The following MIPEP variants were observed in gnomAD, a reference collection of about 807,000 sequenced individuals.
MIPEP encodes mitochondrial intermediate peptidase.
Under a neutral mutation model 90.3 loss-of-function variants are expected in MIPEP, and 79 were observed. The observed-to-expected ratio is 0.87, with a 90% CI of 0.73 to 1.05. The LOEUF is 1.05. Among genes scored for constraint, MIPEP ranks in the 50% least tolerant of loss-of-function variants. The pLI, the probability that MIPEP is intolerant of heterozygous loss-of-function variation, is 0.00. For synonymous variants in MIPEP, 334 were observed against 315.8 expected (o/e 1.06, Z -0.61); for missense variants, 940 against 905.6 (o/e 1.04, Z -0.49).
chr13:23,794,136 T>C (rs1057510416), intron 16 of MIPEP, among the ~76,000 whole-genome samples: 4 of 152,020 alleles, frequency 2.6e-5, no homozygotes, highest in African/African-American at 9.7e-5. Flanking sequence ...AAGAAGAATA[T>C]TAAGAGGAGG....
At chr13:23,884,761 C>T (rs1314217665) in intron 2 of MIPEP, among the ~76,000 whole-genome samples, 1 of 152,232 alleles carries the variant, frequency 6.6e-6, no homozygotes, top group Non-Finnish European at 1.5e-5. Flanking sequence ...GTGTCTGTTT[C>T]ATTCCTGCAT....
At chr13:23,852,270 T>C (rs1480739561) in intron 10 of MIPEP, among the ~76,000 whole-genome samples, 2 of 152,320 alleles carry the variant, frequency 1.3e-5, no homozygotes, top group Non-Finnish European at 2.9e-5. Context: ...ATAGACTAGA[T>C]ATTAAATGAT....
At position 23,875,357 on chromosome 13, in the gene MIPEP, T is replaced by C. The variant is rs183335465; in HGVS notation, c.540-448A>G. Among the ~76,000 whole-genome samples the C allele has an allele frequency of 4.5e-3, 690 of 152,244 alleles. 2 individuals are homozygous for C. The highest frequency in any genetic ancestry group is 7.7e-3 in the Non-Finnish European group (523 of 67,998). ...ATAAAACAGTTTTATATTTGGACAA[T>C]TTTTCAAAGGCCCTCTGCATGAGAT... On this transcript the variant is annotated intron_variant, in intron 4 of 18. Coordinates refer to ENST00000382172, the MANE Select transcript of MIPEP (RefSeq NM_005932.4).
chr13:23,788,358 T>C (rs1331502103), intron 16 of MIPEP, among the ~76,000 whole-genome samples: 1 of 152,228 alleles, frequency 6.6e-6, no homozygotes, highest in African/African-American at 2.4e-5. Flanking sequence ...TGTTTGCTCC[T>C]TGAGCATACA....
intron 10 of MIPEP, among the ~76,000 whole-genome samples, chr13:23,846,970 G>A (rs1423291314): frequency 6.6e-6 from 1 of 152,018 alleles, no homozygotes; most frequent in Non-Finnish European, 1.5e-5. Context: ...TTACAATGGA[G>A]AAAACAGGTT....
chr13:23,861,822 T>C (rs1870319989), intron 9 of MIPEP, among the ~76,000 whole-genome samples: 1 of 152,182 alleles, frequency 6.6e-6, no homozygotes, highest in Non-Finnish European at 1.5e-5. Context: ...GATCATATAA[T>C]CATATGATTG....
intron 5 of MIPEP, among the ~76,000 whole-genome samples, chr13:23,873,543 G>C (rs1005160989): frequency 6.6e-6 from 1 of 152,128 alleles, no homozygotes; most frequent in African/African-American, 2.4e-5. Flanking sequence ...GATTTGATGA[G>C]AAATATATGA....
At chr13:23,850,799 G>A (rs954170997) in intron 10 of MIPEP, among the ~76,000 whole-genome samples, 1 of 152,248 alleles carries the variant, frequency 6.6e-6, no homozygotes, top group African/African-American at 2.4e-5. Context: ...AAACAGCCAT[G>A]TCTAAAATTG....
intron 10 of MIPEP, among the ~76,000 whole-genome samples, chr13:23,855,247 A>C (rs574483634): frequency 3.9e-5 from 6 of 152,240 alleles, no homozygotes; most frequent in Non-Finnish European, 8.8e-5. Flanking sequence ...TTAAAAAGGA[A>C]AAATGAGCTG....
intron 10 of MIPEP, among the ~76,000 whole-genome samples, chr13:23,845,941 C>T (rs1395109673): frequency 2.7e-5 from 4 of 146,906 alleles, no homozygotes; most frequent in East Asian, 2.0e-4. Flanking sequence ...TTTTTTGAGA[C>T]GGAGTCATGC....
intron 5 of MIPEP, among the ~76,000 whole-genome samples, chr13:23,872,840 C>T (rs1870884551): frequency 1.3e-5 from 2 of 149,008 alleles, no homozygotes; most frequent in Admixed American, 6.7e-5. Flanking sequence ...AAACTATTCA[C>T]ATGGATTCTC....
At chr13:23,772,317 T>A (rs958850436) in intron 16 of MIPEP, among the ~76,000 whole-genome samples, 11 of 151,570 alleles carry the variant, frequency 7.3e-5, no homozygotes, top group African/African-American at 2.7e-4. Context: ...AATTTTTTTT[T>A]AACAACAACA....
intron 16 of MIPEP, among the ~76,000 whole-genome samples, chr13:23,783,406 C>T (rs950514934): frequency 6.6e-6 from 1 of 152,234 alleles, no homozygotes; most frequent in African/African-American, 2.4e-5. Context: ...CAACAGCCTT[C>T]ATGTTAAAAA....
intron 16 of MIPEP, among the ~76,000 whole-genome samples, chr13:23,788,163 T>C (rs1258023103): frequency 2.0e-5 from 3 of 152,258 alleles, no homozygotes; most frequent in African/African-American, 4.8e-5. Flanking sequence ...TATTTGCTAA[T>C]GTTTCAAAGT....
rs148842847 is a variant in MIPEP, at chr13:23,794,047, A to G, written c.1848+11903T>C. Among the ~76,000 whole-genome samples, 985 of 152,304 alleles carry G rather than the reference A, an allele frequency of 6.5e-3. 19 individuals carry two copies. Among genetic ancestry groups the G allele is most frequent in the African/African-American group, 0.022 (917 of 41,574 alleles). On this transcript the variant is annotated intron_variant, in intron 16 of 18. Coordinates refer to ENST00000382172, the MANE Select transcript of MIPEP (RefSeq NM_005932.4). The stretch of plus-strand genomic sequence containing the variant: ...AATGTTGTGTGGATTTGAGAGTTGT[A>G]TAGCAGATACTTCCTAGGACGCTCA...
chr13:23,805,854 G>C, intron 16 of MIPEP, 96 bp downstream of exon 16: 9 of 1,341,104 alleles, frequency 6.7e-6, no homozygotes, highest in Non-Finnish European at 7.2e-6. Flanking sequence ...TAAATGTAGG[G>C]ATTTCAAGTT....
chr13:23,799,573 G>A lies in MIPEP; in HGVS notation c.1848+6377C>T, dbSNP rs189322092. 5.3e-3 allele frequency among the ~76,000 whole-genome samples: 796 copies of A among 150,908 alleles called. 6 individuals carry two copies. Among genetic ancestry groups the A allele is most frequent in the Middle Eastern group, 0.018 (5 of 280 alleles). On this transcript the variant is annotated intron_variant, in intron 16 of 18. Coordinates refer to ENST00000382172, the MANE Select transcript of MIPEP (RefSeq NM_005932.4). ...GATCTCCTGACCTCATGGTCCGCCCGCCTCGGCCTCCCAAAGTGCTGGGAT... is the reference window on the plus strand; with the variant it reads ...GATCTCCTGACCTCATGGTCCGCCCACCTCGGCCTCCCAAAGTGCTGGGAT...
At chr13:23,832,316 A>G (rs548340406) in intron 14 of MIPEP, among the ~76,000 whole-genome samples, 1 of 152,284 alleles carries the variant, frequency 6.6e-6, no homozygotes, top group Admixed American at 6.5e-5. Flanking sequence ...CTCATCAGAT[A>G]CGGCCCCTTG....
chr13:23,843,822 G>A (rs755906543), intron 10 of MIPEP, among the ~76,000 whole-genome samples: 3 of 152,188 alleles, frequency 2.0e-5, no homozygotes, highest in Non-Finnish European at 4.4e-5. Flanking sequence ...GACTGTGTGA[G>A]TGATTGGATT....
Sources: gnomAD v4.1 joint callset for allele counts (sites outside exome capture counted in the v4.1 genomes callset) on GRCh38, gnomAD v4.1.1 for gene constraint, MANE v1.5 for transcripts, NCBI Gene and HGNC (gene_info 2026-07-23, HGNC 2026-07-21) for gene names.